NRXN1: variants seen among roughly 807,000 people sequenced by gnomAD.
The protein encoded by NRXN1 is neurexin-1.
In NRXN1, 39 loss-of-function variants were observed where a neutral mutation model predicts 150.9. That is an observed-to-expected ratio of 0.26 (90% CI 0.20 to 0.34). NRXN1 has a LOEUF of 0.34. NRXN1 is among the 10% of genes least tolerant of loss of function. NRXN1 has a pLI of 1.00. For synonymous variants in NRXN1, 924 were observed against 757.0 expected (o/e 1.22, Z -3.62); for missense variants, 1,815 against 1,949.9 (o/e 0.93, Z 1.30).
intron 5 of NRXN1, among the ~76,000 whole-genome samples, chr2:50,792,743 CA>C (rs1706232621): frequency 6.6e-6 from 1 of 151,656 alleles, no homozygotes; most frequent in Non-Finnish European, 1.5e-5. Context: ...TAAGATGATA[CA>C]AAGAAGGTAT....
intron 5 of NRXN1, among the ~76,000 whole-genome samples, chr2:50,828,640 G>A (rs1445092889): frequency 6.6e-6 from 1 of 151,762 alleles, no homozygotes; most frequent in African/African-American, 2.4e-5. Context: ...GGGTGGCCGG[G>A]CAGAGACACT....
intron 8 of NRXN1, among the ~76,000 whole-genome samples, chr2:50,591,300 G>A (rs1435232329): frequency 6.6e-6 from 1 of 151,826 alleles, no homozygotes. Context: ...CATAAGAAGA[G>A]CTATTAGTAT....
intron 18 of NRXN1, among the ~76,000 whole-genome samples, chr2:50,179,452 A>C (rs569437138): frequency 2.0e-5 from 3 of 152,230 alleles, no homozygotes; most frequent in African/African-American, 7.2e-5. Context: ...GATTTTATGA[A>C]TATCACATGC....
At chr2:50,077,085 T>A (rs892692029) in intron 19 of NRXN1, among the ~76,000 whole-genome samples, 1 of 152,208 alleles carries the variant, frequency 6.6e-6, no homozygotes, top group African/African-American at 2.4e-5. Context: ...CACAAGGAGA[T>A]ACTGTAAGCT....
intron 21 of NRXN1, among the ~76,000 whole-genome samples, chr2:49,991,592 G>A (rs1592722): frequency 0.47 from 71,986 of 151,858 alleles, 17,619 homozygotes; most frequent in Middle Eastern, 0.6. Flanking sequence ...ATGAAATCTA[G>A]TAAGTAAATA....
chr2:50,675,992 T>A (rs1331529050), intron 5 of NRXN1, among the ~76,000 whole-genome samples: 1 of 152,142 alleles, frequency 6.6e-6, no homozygotes, highest in Non-Finnish European at 1.5e-5. Flanking sequence ...GCAATTTGAC[T>A]CATGTAAAAG....
chr2:50,270,117 G>C (rs1041185113), intron 17 of NRXN1, among the ~76,000 whole-genome samples: 4 of 152,028 alleles, frequency 2.6e-5, no homozygotes, highest in African/African-American at 7.3e-5. Flanking sequence ...GTACAAATGA[G>C]AATGACTCAA....
chr2:50,961,702 G>A (rs1040174387), intron 2 of NRXN1, among the ~76,000 whole-genome samples: 1 of 151,706 alleles, frequency 6.6e-6, no homozygotes, highest in Non-Finnish European at 1.5e-5. Context: ...AATGATTCTA[G>A]TCCCTCCAAG....
intron 18 of NRXN1, among the ~76,000 whole-genome samples, chr2:50,207,031 G>A (rs1189256770): frequency 6.6e-6 from 1 of 151,776 alleles, no homozygotes; most frequent in East Asian, 1.9e-4. Flanking sequence ...TGCTCTTCTA[G>A]CACTCTTCTT....
At chr2:50,530,059 T>C (rs892073802) in intron 11 of NRXN1, among the ~76,000 whole-genome samples, 8 of 152,162 alleles carry the variant, frequency 5.3e-5, no homozygotes, top group Admixed American at 2.0e-4. Context: ...GGTAAATCTA[T>C]GTAGTTTCAA....
chr2:50,900,644 G>C (rs1007865318), intron 5 of NRXN1, among the ~76,000 whole-genome samples: 1 of 151,942 alleles, frequency 6.6e-6, no homozygotes, highest in African/African-American at 2.4e-5. Flanking sequence ...AAATAAATAG[G>C]GCTCTTCAAT....
chr2:50,356,754 T>A, intron 17 of NRXN1, among the ~76,000 whole-genome samples: 1 of 152,210 alleles, frequency 6.6e-6, no homozygotes, highest in East Asian at 1.9e-4. Context: ...GAAGCTTTCA[T>A]TAGACATATG....
At position 49,921,791 on chromosome 2, in the gene NRXN1, T is replaced by G; in HGVS notation, c.*153A>C. The G allele has an allele frequency of 1.3e-6, 1 of 794,838 alleles. No homozygotes were observed. Among genetic ancestry groups the G allele is most frequent in the Non-Finnish European group, 1.9e-6 (1 of 517,150 alleles). 49.2% of individuals were successfully genotyped at this position (794,838 alleles called of 1,614,324 possible). On this transcript the variant is annotated 3_prime_UTR_variant, in exon 23 of 23. Coordinates refer to ENST00000401669, the MANE Select transcript of NRXN1 (RefSeq NM_001330078.2). ...TTTGAGAAACAAGAGCATGAGATAC[T>G]TGTTTTTATTTTTTAAAAAGTCTTT...
At chr2:50,996,284 G>A (rs767822011) in intron 2 of NRXN1, among the ~76,000 whole-genome samples, 3 of 152,058 alleles carry the variant, frequency 2.0e-5, no homozygotes, top group East Asian at 1.9e-4. Context: ...AAGTATATTC[G>A]CTTGAATGAG....
chr2:50,133,884 T>C (rs1226162065), intron 18 of NRXN1, among the ~76,000 whole-genome samples: 3 of 152,178 alleles, frequency 2.0e-5, no homozygotes, highest in Non-Finnish European at 2.9e-5. Context: ...TTGTGTCTAA[T>C]ACTCCTCTTC....
intron 5 of NRXN1, among the ~76,000 whole-genome samples, chr2:50,751,614 G>A (rs562982479): frequency 6.6e-6 from 1 of 152,070 alleles, no homozygotes; most frequent in South Asian, 2.1e-4. Flanking sequence ...TCAGCACATA[G>A]TCTGTGCTCC....
At chr2:50,614,427 T>C (rs1678697995) in intron 8 of NRXN1, among the ~76,000 whole-genome samples, 1 of 152,048 alleles carries the variant, frequency 6.6e-6, no homozygotes, top group Admixed American at 6.6e-5. Flanking sequence ...CATGAGATTT[T>C]GTTCTTACGT....
intron 17 of NRXN1, among the ~76,000 whole-genome samples, chr2:50,425,102 T>TA (rs1342491824): frequency 6.6e-6 from 1 of 152,068 alleles, no homozygotes; most frequent in Admixed American, 6.6e-5. Flanking sequence ...GCCAGAAAAA[T>TA]AAAAAATACC....
chr2:50,742,128 G>C (rs1039001364), intron 5 of NRXN1, among the ~76,000 whole-genome samples: 1 of 151,968 alleles, frequency 6.6e-6, no homozygotes, highest in African/African-American at 2.4e-5. Context: ...CACTTATTTT[G>C]TCCCATTTTA....
Sources: gnomAD v4.1 joint callset for allele counts (sites outside exome capture counted in the v4.1 genomes callset) on GRCh38, gnomAD v4.1.1 for gene constraint, MANE v1.5 for transcripts, NCBI Gene and HGNC (gene_info 2026-07-23, HGNC 2026-07-21) for gene names.